Variants in CSMD1 observed in about 807,000 individuals in gnomAD.
The protein encoded by CSMD1 is CUB and Sushi multiple domains 1.
A neutral mutation model predicts 417.5 loss-of-function variants in CSMD1; 213 were observed. The observed-to-expected ratio is 0.51, with a 90% CI of 0.46 to 0.57. The LOEUF is 0.57. Among genes scored for constraint, CSMD1 ranks in the 20% least tolerant of loss-of-function variants. The probability of loss-of-function intolerance (pLI) is 0.00; values close to 1 mark genes in which losing one functional copy is unlikely to be tolerated. For synonymous variants in CSMD1, 2,862 were observed against 1,736.8 expected (o/e 1.65, Z -16.11); for missense variants, 6,923 against 4,529.7 (o/e 1.53, Z -15.17).
Position 3,766,856 on chromosome 8 carries a change from T to C in CSMD1, c.819-12814A>G, listed in dbSNP as rs560958060. 2.6e-5 allele frequency among the ~76,000 whole-genome samples: 4 copies of C among 152,312 alleles called. No individual in the cohort carries two copies. In the South Asian group the frequency reaches 8.3e-4, roughly 32 times the overall value. Reference sequence around the variant, plus strand: ...CCTGAAATGAGTCTACCATTTTCTTTTTTCTAGCAAATTTCTTATATCACT... The same window carrying C: ...CCTGAAATGAGTCTACCATTTTCTTCTTTCTAGCAAATTTCTTATATCACT... On this transcript the variant is annotated intron_variant, in intron 5 of 69. Transcript: ENST00000635120.
chr8:3,468,732 C>T lies in CSMD1; in HGVS notation c.1541G>A (p.Gly514Glu). The T allele has an allele frequency of 6.2e-7, 1 of 1,604,182 alleles. No homozygotes were observed. Among genetic ancestry groups the T allele is most frequent in the Non-Finnish European group, 8.5e-7 (1 of 1,175,358 alleles). Residue 514 changes from glycine (G) to glutamate (E), a missense_variant, in exon 12 of 70, where the codon GGG becomes GAG. Physicochemically the swap from Gly to Glu is moderately conservative, Grantham distance 98. Transcript: ENST00000635120. ...CATACCTTGGTAAACAGCTTTAAAC[C>T]CAGGTGAGCCAATGCTATCATCCGA... Reference protein sequence around the residue: ...LQSDDSIGSPGFKAVYQEIEK... With the variant: ...LQSDDSIGSPEFKAVYQEIEK...
chr8:4,411,714 A>ATG (rs1291060090), intron 3 of CSMD1, among the ~76,000 whole-genome samples: 1 of 152,174 alleles, frequency 6.6e-6, no homozygotes, highest in Non-Finnish European at 1.5e-5. Context: ...GCATATATAT[A>ATG]TGTGTGCTAT....
chr8:4,439,109 C>A (rs1198411591), intron 2 of CSMD1, among the ~76,000 whole-genome samples: 2 of 152,194 alleles, frequency 1.3e-5, no homozygotes, highest in Non-Finnish European at 2.9e-5. Context: ...TCACACTAAT[C>A]AATCAAATCA....
In CSMD1 at chr8:3,468,713, T is replaced by G; in HGVS notation, c.1560A>C (p.Gln520His). 1 of 1,591,104 alleles carries G rather than the reference T, an allele frequency of 6.3e-7. No homozygotes were observed. Among genetic ancestry groups the G allele is most frequent in the South Asian group, 1.1e-5 (1 of 87,964 alleles). The change falls in exon 12 of 70, where the codon CAA becomes CAC. Residue 520 changes from glutamine to histidine, a missense_variant and splice_region_variant. Gln to His is a conservative substitution (Grantham distance 24, BLOSUM62 0). Coordinates refer to ENST00000635120, the MANE Select transcript of CSMD1 (RefSeq NM_033225.6). ...CTGTGAAGTGTAATCTCATCATACCTTGGTAAACAGCTTTAAACCCAGGTG... is the reference window on the plus strand; with the variant it reads ...CTGTGAAGTGTAATCTCATCATACCGTGGTAAACAGCTTTAAACCCAGGTG... ...IGSPGFKAVY[Q>H]EIEKGGCGDP...
At chr8:3,956,793 G>A (rs1811977723) in intron 5 of CSMD1, among the ~76,000 whole-genome samples, 1 of 152,092 alleles carries the variant, frequency 6.6e-6, no homozygotes, top group Admixed American at 6.5e-5. Context: ...ATCGATTTAG[G>A]AGCTTGAAGG....
intron 1 of CSMD1, among the ~76,000 whole-genome samples, chr8:4,882,827 T>C (rs1803497304): frequency 1.3e-5 from 2 of 152,074 alleles, no homozygotes; most frequent in Non-Finnish European, 2.9e-5. Flanking sequence ...GAAAACTTTC[T>C]ACTTTCCTTT....
At chr8:4,150,644 G>A (rs1204209546) in intron 3 of CSMD1, among the ~76,000 whole-genome samples, 2 of 152,160 alleles carry the variant, frequency 1.3e-5, no homozygotes, top group Non-Finnish European at 2.9e-5. Context: ...TATTCTTCCA[G>A]TTTTCCAAAT....
chr8:4,063,602 G>T (rs1228286869), intron 3 of CSMD1, among the ~76,000 whole-genome samples: 1 of 152,144 alleles, frequency 6.6e-6, no homozygotes, highest in Non-Finnish European at 1.5e-5. Flanking sequence ...AAGGTGCCAC[G>T]TACGTTTCCA....
At chr8:4,960,674 TAC>T (rs1809416326) in intron 1 of CSMD1, among the ~76,000 whole-genome samples, 1 of 152,168 alleles carries the variant, frequency 6.6e-6, no homozygotes, top group Admixed American at 6.5e-5. Context: ...CATACGTACA[TAC>T]ATACATGCAT....
chr8:4,156,127 A>T (rs1796820879), intron 3 of CSMD1, among the ~76,000 whole-genome samples: 1 of 152,162 alleles, frequency 6.6e-6, no homozygotes. Flanking sequence ...TGACATTAAG[A>T]GTCCCTCTGC....
intron 5 of CSMD1, among the ~76,000 whole-genome samples, chr8:3,848,340 C>G (rs927024822): frequency 2.0e-5 from 3 of 152,074 alleles, no homozygotes; most frequent in Non-Finnish European, 2.9e-5. Context: ...AAGGAGCAAT[C>G]TTATTAAAGA....
rs150148396 is a variant in CSMD1, at chr8:4,048,856, C to T, written c.416-16757G>A. On this transcript the variant is annotated intron_variant, in intron 3 of 69. Transcript: ENST00000635120. ...ACACCTTAGAAGCCTGTGTTCAATA[C>T]AGATAGATCAAGCTCATTTTTACAG... Among the ~76,000 whole-genome samples the T allele has an allele frequency of 4.6e-5, 7 of 152,302 alleles. No homozygotes were observed. In the East Asian group the frequency reaches 9.6e-4, roughly 21 times the overall value.
chr8:4,650,104 G>C (rs371220766), intron 1 of CSMD1, among the ~76,000 whole-genome samples: 1 of 152,142 alleles, frequency 6.6e-6, no homozygotes, highest in East Asian at 1.9e-4. Flanking sequence ...CCAGCACTTT[G>C]GGAGGCCGAG....
In CSMD1 at chr8:4,022,075, G is replaced by C. The variant is rs1796815117; in HGVS notation, c.610+9830C>G. 1.4e-5 allele frequency among the ~76,000 whole-genome samples: 2 copies of C among 139,080 alleles called. 1 individual carries two copies. 91.2% of individuals were successfully genotyped at this position (139,080 alleles called of 152,430 possible). On this transcript the variant is annotated intron_variant, in intron 4 of 69. Transcript: ENST00000635120. ...TTAATATACAGATGAATACATATGG[G>C]AGCATGTATCCACACACACACATAT...
At chr8:4,889,507 T>C (rs796222001) in intron 1 of CSMD1, among the ~76,000 whole-genome samples, 3 of 152,140 alleles carry the variant, frequency 2.0e-5, no homozygotes, top group Non-Finnish European at 1.5e-5. Context: ...CCTTGTGATA[T>C]GTTTATCATT....
At chr8:3,269,449 C>T (rs891911655) in intron 26 of CSMD1, among the ~76,000 whole-genome samples, 10 of 152,362 alleles carry the variant, frequency 6.6e-5, no homozygotes, top group African/African-American at 1.7e-4. Flanking sequence ...CCATGGGCAG[C>T]ACCAAAGGCC....
chr8:3,694,762 G>C lies in CSMD1; in HGVS notation c.1009+13652C>G, dbSNP rs147893993. 2.0e-4 allele frequency among the ~76,000 whole-genome samples: 30 copies of C among 151,930 alleles called. No homozygotes were observed. In the East Asian group the frequency reaches 5.3e-3, roughly 27 times the overall value. ...CTGCTTCGAAAGCAACACCAAAAAA[G>C]AAGTGGAAAGAGCGGTCCAAGCAGA... On this transcript the variant is annotated intron_variant, in intron 7 of 69. Coordinates refer to ENST00000635120, the MANE Select transcript of CSMD1 (RefSeq NM_033225.6).
intron 3 of CSMD1, among the ~76,000 whole-genome samples, chr8:4,121,258 G>A (rs1563150443): frequency 6.6e-6 from 1 of 152,008 alleles, no homozygotes; most frequent in East Asian, 1.9e-4. Flanking sequence ...GGGATTACAG[G>A]CACCTGACAC....
chr8:3,541,829 T>A (rs946566863), intron 10 of CSMD1, among the ~76,000 whole-genome samples: 1 of 151,850 alleles, frequency 6.6e-6, no homozygotes, highest in African/African-American at 2.4e-5. Context: ...GGCTTGCACC[T>A]GCAATTCCAA....
Sources: allele counts gnomAD v4.1 joint callset (sites outside exome capture counted in the v4.1 genomes callset), GRCh38; gene constraint gnomAD v4.1.1; transcripts MANE v1.5; gene names NCBI Gene and HGNC (gene_info 2026-07-23, HGNC 2026-07-21).